The following HSPA12A variants were observed in gnomAD, a reference collection of about 807,000 sequenced individuals.
The protein encoded by HSPA12A is heat shock 70 kDa protein 12A.
Under a neutral mutation model 69.2 loss-of-function variants are expected in HSPA12A, and 28 were observed. The ratio of observed to expected loss-of-function variants is 0.40; its 90% CI spans 0.30 to 0.55. HSPA12A has a LOEUF of 0.55. Among genes scored for constraint, HSPA12A ranks in the 20% least tolerant of loss-of-function variants. The pLI, the probability that HSPA12A is intolerant of heterozygous loss-of-function variation, is 0.38. For synonymous variants in HSPA12A, 345 were observed against 370.5 expected (o/e 0.93, Z 0.79); for missense variants, 686 against 900.7 (o/e 0.76, Z 3.05).
chr10:116,713,994 GGATGGATGGATGGATGGATA>G lies in HSPA12A; in HGVS notation c.41-6729_41-6710del, dbSNP rs1419810392. Among the ~76,000 whole-genome samples the G allele has an allele frequency of 1.7e-3, 264 of 151,634 alleles. 1 individual carries two copies. Among genetic ancestry groups the G allele is most frequent in the African/African-American group, 5.8e-3 (240 of 41,238 alleles). On this transcript the variant is annotated intron_variant, in intron 1 of 11. Transcript: ENST00000369209. ...TGACATGTCACAAGCACTCAATGTT[GGATGGATGGATGGATGGATA>G]GATGGATGGATGGATGGATGGGTGG...
At chr10:116,708,865 C>T (rs1270799164) in intron 1 of HSPA12A, among the ~76,000 whole-genome samples, 2 of 152,146 alleles carry the variant, frequency 1.3e-5, no homozygotes, top group African/African-American at 4.8e-5. Flanking sequence ...ACTAGGATGG[C>T]TACAGTTTTT....
intron 2 of HSPA12A, among the ~76,000 whole-genome samples, chr10:116,705,886 C>G (rs1378872915): frequency 1.4e-5 from 2 of 147,560 alleles, no homozygotes; most frequent in Non-Finnish European, 3.0e-5. Flanking sequence ...AAGCCTTTCT[C>G]TCTCTCCTTT....
rs1393852465 is a variant in HSPA12A at position 116,675,045 on chromosome 10, G to A, written c.1764C>T (p.Tyr588=). ...VALGELVKRS[Y]TPAKPSQLVI... is the part of the protein sequence containing the mutation. ...CCAGCTGGGAGGGCTTGGCCGGGGT[G>A]TAGCTACGCTTGACCAGCTCACCCA... The change falls in exon 12 of 12, where the codon TAC becomes TAT. Residue 588 remains tyrosine (Y), a synonymous_variant. Transcript: ENST00000369209. This position sits in a 1 kb window ranked among gnomAD's most constrained non-coding sequence, Gnocchi z 5.2. The A allele has an allele frequency of 6.2e-7, 1 of 1,614,166 alleles. No homozygotes were observed. The highest frequency in any genetic ancestry group is 8.5e-7 in the Non-Finnish European group (1 of 1,180,028).
intron 2 of HSPA12A, among the ~76,000 whole-genome samples, chr10:116,770,575 G>A (rs1216322602): frequency 1.3e-5 from 2 of 152,198 alleles, no homozygotes; most frequent in Non-Finnish European, 2.9e-5. Context: ...GCAAGGTGGG[G>A]TGGGGGTGAG....
chr10:116,834,594 C>T (rs1179337774), intron 2 of HSPA12A, among the ~76,000 whole-genome samples: 2 of 152,178 alleles, frequency 1.3e-5, no homozygotes, highest in African/African-American at 2.4e-5. Flanking sequence ...GCCACCAGAG[C>T]AGGGCAGTAA....
intron 1 of HSPA12A, among the ~76,000 whole-genome samples, chr10:116,835,679 AG>A (rs1845696951): frequency 6.6e-6 from 1 of 152,236 alleles, no homozygotes; most frequent in African/African-American, 2.4e-5. Context: ...GATTTCTAGA[AG>A]CCCCACGAAC....
At position 116,673,638 on chromosome 10, in the gene HSPA12A, C is replaced by T. The variant is rs1421642142; in HGVS notation, c.*1143G>A. The T allele has an allele frequency of 2.0e-5, 3 of 152,178 alleles. No individual in the cohort carries two copies. Among genetic ancestry groups the T allele is most frequent in the South Asian group, 2.1e-4 (1 of 4,812 alleles). 9.4% of individuals were successfully genotyped at this position (152,178 alleles called of 1,614,324 possible). ...CGCACCCAGGCAATTCTGATGCAGG[C>T]GAGCCACAGGCCCGCTGTGAAAAAA... On this transcript the variant is annotated 3_prime_UTR_variant, in exon 12 of 12. Transcript: ENST00000369209.
chr10:116,794,650 TA>T (rs1033316725), intron 2 of HSPA12A, among the ~76,000 whole-genome samples: 5 of 152,034 alleles, frequency 3.3e-5, no homozygotes, highest in African/African-American at 1.2e-4. Flanking sequence ...CCATTTTTAT[TA>T]AAAATACAAA....
At chr10:116,774,478 C>G (rs1844287625) in intron 2 of HSPA12A, among the ~76,000 whole-genome samples, 1 of 152,182 alleles carries the variant, frequency 6.6e-6, no homozygotes, top group African/African-American at 2.4e-5. Flanking sequence ...GGCAGATCTA[C>G]TGACCCAGAG....
upstream of HSPA12A, among the ~76,000 whole-genome samples, chr10:116,745,134 C>T (rs1352391208): frequency 1.3e-5 from 2 of 152,244 alleles, no homozygotes; most frequent in Non-Finnish European, 2.9e-5. Flanking sequence ...CTGCCTCGCC[C>T]CCACTGGGAA....
chr10:116,783,992 C>T (rs1844520432), intron 2 of HSPA12A, among the ~76,000 whole-genome samples: 1 of 152,216 alleles, frequency 6.6e-6, no homozygotes, highest in South Asian at 2.1e-4. Context: ...GTATGAGCCA[C>T]CATGCCCAGC....
At chr10:116,742,008 G>A (rs1851523558) in intron 1 of HSPA12A, among the ~76,000 whole-genome samples, 1 of 152,078 alleles carries the variant, frequency 6.6e-6, no homozygotes, top group Non-Finnish European at 1.5e-5. Context: ...AAAATTACCC[G>A]CTGGGGCCAC....
chr10:116,685,596 T>C (rs2921964), intron 6 of HSPA12A, among the ~76,000 whole-genome samples: 149,792 of 150,694 alleles, frequency 0.99, 74,449 homozygotes, highest in Non-Finnish European at 1. Context: ...GATGGTGCCA[T>C]TGTACCCCAG....
At chr10:116,676,748 A>G (rs1849250283) in intron 10 of HSPA12A, among the ~76,000 whole-genome samples, 1 of 152,222 alleles carries the variant, frequency 6.6e-6, no homozygotes, top group Non-Finnish European at 1.5e-5. Context: ...CCCCTGGGAT[A>G]GTGGAGGCCA....
At chr10:116,822,704 C>T (rs1845427620) in intron 2 of HSPA12A, among the ~76,000 whole-genome samples, 1 of 152,136 alleles carries the variant, frequency 6.6e-6, no homozygotes, top group East Asian at 1.9e-4. Context: ...TGCAAAGTCC[C>T]ATTGGACATT....
At chr10:116,740,658 GTGTGTGTGTGTGTGTGTC>G (rs782135441) in intron 1 of HSPA12A, among the ~76,000 whole-genome samples, 2,648 of 34,826 alleles carry the variant, frequency 0.076, 32 homozygotes, top group South Asian at 0.18. Flanking sequence ...GTGTGTGTGT[GTGTGTGTGTGTGTGTGTC>G]TGTGTGTGTG....
Position 116,849,732 on chromosome 10 carries a change from G to A in HSPA12A, c.-164C>T. ...GCCTGCCGACGTCTACGGGCACCTG[G>A]TAGGGACCTGGGACAAGCGCTCTCC... is the stretch of plus-strand genomic sequence containing the variant. On this transcript the variant is annotated 5_prime_UTR_variant, in exon 1 of 13. Transcript: ENST00000635765. 2.0e-6 allele frequency: 3 copies of A among 1,520,106 alleles called. No individual in the cohort carries two copies. In the South Asian group the frequency reaches 3.8e-5, roughly 19 times the overall value. The allele number at this position is 1,520,106 out of a possible 1,614,324, so 94.2% of individuals were successfully genotyped here. A position where few individuals can be genotyped will look rare whatever the true frequency, so the allele number is the denominator to read the frequency against.
chr10:116,839,402 T>C (rs1845767645), intron 1 of HSPA12A, among the ~76,000 whole-genome samples: 1 of 152,100 alleles, frequency 6.6e-6, no homozygotes, highest in Non-Finnish European at 1.5e-5. Context: ...CAAAGTCTCC[T>C]CAAAAGTCAC....
intron 2 of HSPA12A, among the ~76,000 whole-genome samples, chr10:116,768,897 T>C (rs1844137858): frequency 6.6e-6 from 1 of 152,124 alleles, no homozygotes; most frequent in Non-Finnish European, 1.5e-5. Context: ...TCCTCTGAGT[T>C]ATCTTTAACT....
Sources: allele counts gnomAD v4.1 joint callset (sites outside exome capture counted in the v4.1 genomes callset), GRCh38; gene constraint gnomAD v4.1.1; non-coding constraint Gnocchi (gnomAD v3.1); transcripts MANE v1.5; gene names NCBI Gene and HGNC (gene_info 2026-07-23, HGNC 2026-07-21).